The following IGFBP2 variants were observed in gnomAD, a reference collection of about 807,000 sequenced individuals.
IGFBP2 encodes insulin-like growth factor-binding protein 2.
IGFBP2 carries 12 observed loss-of-function variants against 26.2 expected under a neutral mutation model. The observed-to-expected ratio is 0.46, with a 90% CI of 0.29 to 0.74. The LOEUF (loss-of-function observed/expected upper bound fraction) is 0.74. Ranked by LOEUF, IGFBP2 falls within the 30% of genes least tolerant of loss-of-function variation. The pLI is 0.09. For missense variants in IGFBP2, 328 were observed against 441.2 expected, an observed-to-expected ratio of 0.74 and a Z score of 2.30; for synonymous variants, 189 against 200.6, an observed-to-expected ratio of 0.94 and a Z score of 0.49.
chr2:216,633,934 C>G lies in IGFBP2; in HGVS notation c.411C>G (p.Ala137=). 6.2e-7 allele frequency: 1 copy of G among 1,603,356 alleles called. No homozygotes were observed. The highest frequency in any genetic ancestry group is 8.5e-7 in the Non-Finnish European group (1 of 1,176,308). The change falls in exon 1 of 4, where the codon GCC becomes GCG. Residue 137 remains alanine (A), a synonymous_variant. Transcript: ENST00000233809. The part of the protein sequence containing the change: ...GEGTCEKRRD[A]EYGASPEQVA... ...GCACTTGTGAGAAGCGCCGGGACGCCGAGTATGGCGCCAGCCCGGAGCAGG... is the reference window on the plus strand; with the variant it reads ...GCACTTGTGAGAAGCGCCGGGACGCGGAGTATGGCGCCAGCCCGGAGCAGG...
intron 1 of IGFBP2, among the ~76,000 whole-genome samples, chr2:216,647,734 A>G (rs749124539): frequency 6.6e-5 from 10 of 152,032 alleles, no homozygotes; most frequent in Non-Finnish European, 1.0e-4. Context: ...GTTAGCCAGG[A>G]TGGTCTCGAT....
intron 1 of IGFBP2, among the ~76,000 whole-genome samples, chr2:216,641,708 T>A (rs1016787860): frequency 2.8e-5 from 4 of 143,232 alleles, no homozygotes; most frequent in Admixed American, 1.4e-4. Context: ...TTTTTTTTTT[T>A]AGACAGAGTC....
intron 1 of IGFBP2, among the ~76,000 whole-genome samples, chr2:216,641,999 AT>A (rs759581642): frequency 2.9e-3 from 287 of 99,590 alleles, no homozygotes; most frequent in Middle Eastern, 0.01. Flanking sequence ...CCAGGCTTAC[AT>A]TTTTTTTTTT....
intron 1 of IGFBP2, among the ~76,000 whole-genome samples, chr2:216,648,302 T>G (rs754947631): frequency 5.3e-5 from 8 of 152,322 alleles, no homozygotes; most frequent in African/African-American, 7.2e-5. Context: ...CTGAGTCATC[T>G]TGATTACTTC....
intron 1 of IGFBP2, among the ~76,000 whole-genome samples, chr2:216,636,189 C>T (rs1697491203): frequency 6.6e-6 from 1 of 152,050 alleles, no homozygotes; most frequent in African/African-American, 2.4e-5. Flanking sequence ...TGGGTGGGGC[C>T]TGGCCCAGAC....
In IGFBP2 at chr2:216,660,559, A is replaced by G. The variant is rs1385193075; in HGVS notation, c.445A>G (p.Asn149Asp). ...YGASPEQVADNGDDHSEGGLV... is the reference protein window; with the variant it reads ...YGASPEQVADDGDDHSEGGLV... ...TTCTTCCCTTCCTCTCTTGGCAGAC[A>G]ATGGCGATGACCACTCAGAAGGAGG... Residue 149 changes from asparagine to aspartate, a missense_variant and splice_region_variant, in exon 2 of 4, where the codon AAT (asparagine) becomes GAT (aspartate). Transcript: ENST00000233809. 8.1e-6 allele frequency: 13 copies of G among 1,597,582 alleles called. No individual in the cohort carries two copies. The highest frequency in any genetic ancestry group is 1.1e-5 in the Non-Finnish European group (13 of 1,170,524).
intron 1 of IGFBP2, among the ~76,000 whole-genome samples, chr2:216,656,903 C>T (rs1419974166): frequency 6.6e-6 from 1 of 152,132 alleles, no homozygotes; most frequent in African/African-American, 2.4e-5. Context: ...TTCTCTAACA[C>T]CCTGTGAGCA....
intron 1 of IGFBP2, among the ~76,000 whole-genome samples, chr2:216,649,380 G>C (rs988093561): frequency 4.6e-5 from 7 of 152,296 alleles, no homozygotes; most frequent in Admixed American, 1.3e-4. Context: ...AAGTAATGCT[G>C]TAATGACCAT....
chr2:216,662,343 G>A (rs374354809), intron 3 of IGFBP2: 66 of 274,242 alleles, frequency 2.4e-4, no homozygotes, highest in African/African-American at 1.2e-3. Flanking sequence ...TCCTGGGCCC[G>A]CCCCCAAATT....
chr2:216,638,407 A>G (rs1332134318), intron 1 of IGFBP2, among the ~76,000 whole-genome samples: 6 of 151,864 alleles, frequency 4.0e-5, no homozygotes, highest in Admixed American at 3.9e-4. Flanking sequence ...CGGGACTCTG[A>G]GGTAGGAGAA....
intron 1 of IGFBP2, among the ~76,000 whole-genome samples, chr2:216,642,843 C>T (rs1697643330): frequency 2.0e-5 from 3 of 152,122 alleles, no homozygotes; most frequent in African/African-American, 7.2e-5. Context: ...GGCCAGCCAA[C>T]CTGGAAGACC....
chr2:216,643,038 G>A (rs910443814), intron 1 of IGFBP2, among the ~76,000 whole-genome samples: 1 of 152,172 alleles, frequency 6.6e-6, no homozygotes, highest in Non-Finnish European at 1.5e-5. Flanking sequence ...CATATGGCAT[G>A]CTCAAGGGTG....
chr2:216,652,170 ATTTTTTTT>A (rs1165765392), intron 1 of IGFBP2, among the ~76,000 whole-genome samples: 1 of 130,954 alleles, frequency 7.6e-6, no homozygotes, highest in Non-Finnish European at 1.6e-5. Flanking sequence ...TTTTAGCAGA[ATTTTTTTT>A]TTTTTTTTTT....
intron 1 of IGFBP2, among the ~76,000 whole-genome samples, chr2:216,648,379 G>A (rs897818774): frequency 3.9e-5 from 6 of 152,028 alleles, no homozygotes; most frequent in Admixed American, 1.3e-4. Flanking sequence ...ACTCATTTCC[G>A]AGTTCTTCAT....
chr2:216,641,063 T>C (rs1697603932), intron 1 of IGFBP2, among the ~76,000 whole-genome samples: 1 of 152,200 alleles, frequency 6.6e-6, no homozygotes, highest in African/African-American at 2.4e-5. Flanking sequence ...CTTCAGTAGT[T>C]AGTAAGGCTC....
At chr2:216,656,961 C>G (rs1574565627) in intron 1 of IGFBP2, among the ~76,000 whole-genome samples, 1 of 152,132 alleles carries the variant, frequency 6.6e-6, no homozygotes, top group Admixed American at 6.5e-5. Flanking sequence ...TCTGTGGGCA[C>G]AAAGCTGGGT....
Position 216,660,639 on chromosome 2 carries a change from T to C in IGFBP2, c.525T>C (p.Ser175=), listed in dbSNP as rs768517794. Residue 175 remains serine, a synonymous_variant, in exon 2 of 4, where the codon AGT becomes AGC. Transcript: ENST00000233809. ...STMNMLGGGG[S]AGRKPLKSGM... ...TGAACATGTTGGGCGGGGGAGGCAG[T>C]GCTGGCCGGAAGCCCCTCAAGTCGG... The C allele has an allele frequency of 1.9e-6, 3 of 1,613,834 alleles. No homozygotes were observed. The Admixed American group carries it at 5.0e-5, about 27-fold the overall frequency.
chr2:216,639,033 G>A (rs1697560917), intron 1 of IGFBP2, among the ~76,000 whole-genome samples: 1 of 111,782 alleles, frequency 8.9e-6, no homozygotes, highest in Non-Finnish European at 1.7e-5. Context: ...TTTTTTTTGA[G>A]ACGGAGTCTT....
intron 1 of IGFBP2, among the ~76,000 whole-genome samples, chr2:216,654,302 C>T (rs907783442): frequency 1.3e-5 from 2 of 152,178 alleles, no homozygotes; most frequent in Admixed American, 1.3e-4. Context: ...AGAGCTAACC[C>T]CATGTGTGCC....
Sources: gnomAD v4.1 joint callset for allele counts (sites outside exome capture counted in the v4.1 genomes callset) on GRCh38, gnomAD v4.1.1 for gene constraint, MANE v1.5 for transcripts, NCBI Gene and HGNC (gene_info 2026-07-23, HGNC 2026-07-21) for gene names.